FOXP1: variants seen among roughly 807,000 people sequenced by gnomAD.
FOXP1 encodes the protein forkhead box protein P1.
A neutral mutation model predicts 98.2 loss-of-function variants in FOXP1; 15 were observed. The ratio of observed to expected loss-of-function variants is 0.15; its 90% CI spans 0.10 to 0.24. The LOEUF (loss-of-function observed/expected upper bound fraction) is 0.24. Ranked by LOEUF, FOXP1 falls within the 10% of genes least tolerant of loss-of-function variation. The probability of loss-of-function intolerance (pLI) is 1.00; values close to 1 mark genes in which losing one functional copy is unlikely to be tolerated. For missense variants in FOXP1, 633 were observed against 848.5 expected, an observed-to-expected ratio of 0.75 and a Z score of 3.15; for synonymous variants, 371 against 314.5, an observed-to-expected ratio of 1.18 and a Z score of -1.90.
At chr3:71,541,723 T>C (rs1484149206) in intron 2 of FOXP1, among the ~76,000 whole-genome samples, 1 of 151,754 alleles carries the variant, frequency 6.6e-6, no homozygotes, top group Non-Finnish European at 1.5e-5. Context: ...CTGAACACAA[T>C]GTTGCCTCTG....
intron 10 of FOXP1, among the ~76,000 whole-genome samples, chr3:71,045,991 A>C (rs922884992): frequency 6.6e-6 from 1 of 152,144 alleles, no homozygotes; most frequent in Non-Finnish European, 1.5e-5. Flanking sequence ...GAGGCAACTC[A>C]AATCTGCCCT....
At chr3:71,023,449 C>T (rs116036142) in intron 11 of FOXP1, among the ~76,000 whole-genome samples, 2,145 of 152,242 alleles carry the variant, frequency 0.014, 22 homozygotes, top group Non-Finnish European at 0.023. Context: ...CAATTTTAGC[C>T]CTATCTACTA....
chr3:71,323,933 G>A (rs2107681233), intron 4 of FOXP1, among the ~76,000 whole-genome samples: 1 of 152,230 alleles, frequency 6.6e-6, no homozygotes, highest in East Asian at 1.9e-4. Flanking sequence ...ACAAATCACT[G>A]GACTTGCTGG....
At chr3:71,177,453 A>G (rs1313453969) in intron 6 of FOXP1, among the ~76,000 whole-genome samples, 1 of 152,186 alleles carries the variant, frequency 6.6e-6, no homozygotes, top group African/African-American at 2.4e-5. Flanking sequence ...TCAATGGGGA[A>G]GGAGAGCAGG....
intron 3 of FOXP1, among the ~76,000 whole-genome samples, chr3:71,409,590 G>GA (rs113333779): frequency 0.017 from 2,528 of 145,668 alleles, 77 homozygotes; most frequent in African/African-American, 0.055. Flanking sequence ...ATTTACTTTG[G>GA]AAAAAAAAAA....
chr3:71,495,041 G>A (rs907913802), intron 2 of FOXP1, among the ~76,000 whole-genome samples: 5 of 152,126 alleles, frequency 3.3e-5, no homozygotes, highest in Non-Finnish European at 1.5e-5. Context: ...ACATAATCTG[G>A]CCACTTTCTA....
At chr3:71,457,624 A>ATCCC (rs1368924912) in intron 3 of FOXP1, among the ~76,000 whole-genome samples, 1 of 152,164 alleles carries the variant, frequency 6.6e-6, no homozygotes, top group African/African-American at 2.4e-5. Flanking sequence ...TTTAGTGCAA[A>ATCCC]TCCCTCTAAA....
At chr3:70,970,597 T>TACG in intron 19 of FOXP1, 139 bp downstream of exon 19, 4 of 780,666 alleles carry the variant, frequency 5.1e-6, no homozygotes, top group African/African-American at 1.7e-5. Context: ...CTCCAGGGAG[T>TACG]ATGATGCTTT....
intron 4 of FOXP1, among the ~76,000 whole-genome samples, chr3:71,348,164 A>G (rs935323731): frequency 5.9e-5 from 9 of 152,184 alleles, no homozygotes; most frequent in African/African-American, 2.2e-4. Context: ...ACTTATTTTC[A>G]GACCATCATT....
chr3:70,966,349 T>C (rs2034771587), intron 19 of FOXP1: 2 of 428,882 alleles, frequency 4.7e-6, no homozygotes, highest in East Asian at 9.6e-5. Flanking sequence ...CTTTCGAATA[T>C]GAGGTTTATG....
chr3:71,558,076 G>A (rs531328613), intron 2 of FOXP1, among the ~76,000 whole-genome samples: 3 of 152,088 alleles, frequency 2.0e-5, no homozygotes, highest in Admixed American at 6.5e-5. Context: ...GATTACAGGC[G>A]TGAGCCACCA....
intron 19 of FOXP1, chr3:70,969,633 T>C (rs2035760464): frequency 6.6e-6 from 1 of 152,294 alleles, no homozygotes; most frequent in African/African-American, 2.4e-5. Flanking sequence ...TCAACTGTTT[T>C]TTCATTATTG....
chr3:71,125,905 G>C lies in FOXP1; in HGVS notation c.181-13268C>G, dbSNP rs952499479. Among the ~76,000 whole-genome samples, 4 of 152,172 alleles carry C rather than the reference G, an allele frequency of 2.6e-5. No individual in the cohort carries two copies. In the South Asian group the frequency reaches 6.2e-4, roughly 24 times the overall value. On this transcript the variant is annotated intron_variant, in intron 6 of 20. Transcript: ENST00000649528. Reference sequence around the variant, plus strand: ...CTACCATTCGCTAGCTGTGTGACCTGAGACAAGTTACTTAACCTCTCTGTG... The same window carrying C: ...CTACCATTCGCTAGCTGTGTGACCTCAGACAAGTTACTTAACCTCTCTGTG...
At chr3:71,126,639 C>T (rs2059200352) in intron 6 of FOXP1, among the ~76,000 whole-genome samples, 1 of 151,954 alleles carries the variant, frequency 6.6e-6, no homozygotes, top group Non-Finnish European at 1.5e-5. Context: ...GCCCAGGCAA[C>T]ATGGCAAAAC....
At chr3:71,478,385 A>G (rs958383155) in intron 3 of FOXP1, among the ~76,000 whole-genome samples, 2 of 152,216 alleles carry the variant, frequency 1.3e-5, no homozygotes, top group African/African-American at 4.8e-5. Context: ...ATAAATACTA[A>G]AAAGGGGCCA....
At chr3:71,368,487 T>C (rs2079071755) in intron 3 of FOXP1, among the ~76,000 whole-genome samples, 1 of 152,168 alleles carries the variant, frequency 6.6e-6, no homozygotes, top group Non-Finnish European at 1.5e-5. Flanking sequence ...AGAACCACTG[T>C]GGGTCATCAC....
chr3:71,392,869 G>A (rs1396111387), intron 3 of FOXP1, among the ~76,000 whole-genome samples: 2 of 152,086 alleles, frequency 1.3e-5, no homozygotes, highest in Non-Finnish European at 2.9e-5. Context: ...CCGTTTGGAA[G>A]GGATTAATTT....
At chr3:70,964,075 G>A (rs1306763139) in intron 20 of FOXP1, among the ~76,000 whole-genome samples, 1 of 152,164 alleles carries the variant, frequency 6.6e-6, no homozygotes, top group African/African-American at 2.4e-5. Flanking sequence ...GAAATATGAG[G>A]TCAAAAAGAG....
At chr3:71,021,635 A>G (rs114302997) in intron 11 of FOXP1, among the ~76,000 whole-genome samples, 1,716 of 152,272 alleles carry the variant, frequency 0.011, 40 homozygotes, top group African/African-American at 0.039. Flanking sequence ...AAAGCACTTT[A>G]TATTCTCACC....
Sources: allele counts gnomAD v4.1 joint callset (sites outside exome capture counted in the v4.1 genomes callset), GRCh38; gene constraint gnomAD v4.1.1; transcripts MANE v1.5; gene names NCBI Gene and HGNC (gene_info 2026-07-23, HGNC 2026-07-21).